Variants in EPHA7 observed in about 807,000 individuals in gnomAD.
EPHA7 encodes the protein ephrin type-A receptor 7.
EPHA7 carries 25 observed loss-of-function variants against 112.6 expected under a neutral mutation model. The ratio of observed to expected loss-of-function variants is 0.22; its 90% confidence interval spans 0.16 to 0.31. EPHA7 has a LOEUF of 0.31. Ranked by LOEUF, EPHA7 falls within the 10% of genes least tolerant of loss-of-function variation. The probability of loss-of-function intolerance (pLI) is 1.00; values close to 1 mark genes in which losing one functional copy is unlikely to be tolerated. For synonymous variants in EPHA7, 437 were observed against 406.5 expected (o/e 1.07, Z -0.90); for missense variants, 962 against 1,212.6 (o/e 0.79, Z 3.07).
intron 1 of EPHA7, among the ~76,000 whole-genome samples, chr6:93,418,746 C>G (rs968184959): frequency 1.3e-5 from 2 of 152,188 alleles, no homozygotes; most frequent in Non-Finnish European, 2.9e-5. Flanking sequence ...CCGAGCTCAT[C>G]GAAGTCTCGG....
At chr6:93,243,879 C>T (rs919874987) in intron 16 of EPHA7, among the ~76,000 whole-genome samples, 6 of 151,634 alleles carry the variant, frequency 4.0e-5, no homozygotes, top group African/African-American at 1.5e-4. Context: ...ATTCTTGAAC[C>T]TAATAGGGAT....
At chr6:93,257,423 A>G (rs1306346480) in intron 12 of EPHA7, 39 bp downstream of exon 12, 1 of 1,467,632 alleles carries the variant, frequency 6.8e-7, no homozygotes, top group Non-Finnish European at 9.4e-7. Context: ...GGTAGCAAGC[A>G]TAGTATATTT....
chr6:93,304,772 C>A (rs1439355734), intron 5 of EPHA7, among the ~76,000 whole-genome samples: 2 of 152,024 alleles, frequency 1.3e-5, no homozygotes, highest in Non-Finnish European at 2.9e-5. Flanking sequence ...TACTCTCTTT[C>A]TCTTGCTTTT....
At chr6:93,359,667 C>A (rs1776143084) in intron 3 of EPHA7, among the ~76,000 whole-genome samples, 1 of 152,030 alleles carries the variant, frequency 6.6e-6, no homozygotes, top group East Asian at 1.9e-4. Flanking sequence ...ACAGTTGAGT[C>A]ATCCCTTAAC....
chr6:93,343,737 T>G (rs963438197), intron 5 of EPHA7, among the ~76,000 whole-genome samples: 1 of 151,660 alleles, frequency 6.6e-6, no homozygotes, highest in Admixed American at 6.6e-5. Context: ...GATCCATTCA[T>G]CCATTTCATC....
chr6:93,268,886 C>T (rs1771075679), intron 7 of EPHA7, among the ~76,000 whole-genome samples: 1 of 151,590 alleles, frequency 6.6e-6, no homozygotes, highest in East Asian at 1.9e-4. Flanking sequence ...TAATTATCTC[C>T]CTTATATTTC....
chr6:93,272,384 G>A lies in EPHA7; in HGVS notation c.1363C>T (p.Leu455=), dbSNP rs754191176. The part of the protein sequence containing the change: ...QVSGVMKERV[L]QRSVELSWQE... ...CAGGAAAGCTCGACACTCCGCTGCA[G>A]TACTCTCTCCTTCATTACTCCACTC... The change falls in exon 6 of 17, where the codon CTG becomes TTG. Residue 455 remains leucine, a synonymous_variant. Coordinates refer to ENST00000369303, the MANE Select transcript of EPHA7 (RefSeq NM_004440.4). The A allele has an allele frequency of 1.2e-6, 2 of 1,611,982 alleles. No individual in the cohort carries two copies. Among genetic ancestry groups the A allele is most frequent in the Non-Finnish European group, 1.7e-6 (2 of 1,178,632 alleles).
intron 9 of EPHA7, among the ~76,000 whole-genome samples, chr6:93,262,261 T>G (rs1161089466): frequency 6.6e-6 from 1 of 151,496 alleles, no homozygotes; most frequent in Non-Finnish European, 1.5e-5. Context: ...CTTTTTTCTC[T>G]ATTTCCTCTA....
intron 5 of EPHA7, among the ~76,000 whole-genome samples, chr6:93,347,308 T>C (rs769859827): frequency 1.2e-4 from 18 of 152,012 alleles, no homozygotes; most frequent in Admixed American, 3.9e-4. Context: ...TTCTAAAATT[T>C]ATTAGATGAT....
chr6:93,357,111 C>G (rs1775987398), intron 4 of EPHA7, 59 bp from the exon 5 acceptor site: 1 of 1,332,304 alleles, frequency 7.5e-7, no homozygotes, highest in African/African-American at 1.5e-5. Context: ...AACATACAAA[C>G]AAAAAGAACA....
chr6:93,419,407 G>T lies in EPHA7; in HGVS notation c.-66C>A, dbSNP rs1466810163. On this transcript the variant is annotated 5_prime_UTR_variant, in exon 1 of 17. Transcript: ENST00000369303. The stretch of plus-strand genomic sequence containing the variant: ...AGTCGTGGATTTTTAAATGCTGTTT[G>T]TTCCGAAGTAGCTTTTGTTTTATTG... The T allele has an allele frequency of 9.8e-6, 13 of 1,333,074 alleles. No homozygotes were observed. The highest frequency in any genetic ancestry group is 1.4e-5 in the Non-Finnish European group (13 of 934,324). The allele number at this position is 1,333,074 out of a possible 1,614,324, so 82.6% of individuals were successfully genotyped here.
chr6:93,306,487 G>C (rs1321613068), intron 5 of EPHA7, among the ~76,000 whole-genome samples: 1 of 151,848 alleles, frequency 6.6e-6, no homozygotes, highest in Non-Finnish European at 1.5e-5. Flanking sequence ...ACAGTATGAT[G>C]GACTTAAAAA....
chr6:93,405,803 GTGTGTGTGTGTATA>G (rs1463534169), intron 3 of EPHA7, among the ~76,000 whole-genome samples: 35 of 62,440 alleles, frequency 5.6e-4, no homozygotes, highest in African/African-American at 2.4e-3. Flanking sequence ...GTGTGTGTGT[GTGTGTGTGTGTATA>G]TATATATATA....
Position 93,264,007 on chromosome 6 carries a change from T to C in EPHA7, c.1743-92A>G, listed in dbSNP as rs540096667. 1.8e-5 allele frequency: 15 copies of C among 849,696 alleles called. No individual in the cohort carries two copies. In the African/African-American group the frequency reaches 2.6e-4, roughly 15 times the overall value. 52.6% of individuals were successfully genotyped at this position (849,696 alleles called of 1,614,324 possible). On this transcript the variant is annotated intron_variant, in intron 8 of 16. Coordinates refer to ENST00000369303, the MANE Select transcript of EPHA7 (RefSeq NM_004440.4). ...GTACCTTAGTTACTCAACAACTTAC[T>C]AGAGTTAAATTTACTGTTCATAGTT...
At chr6:93,336,634 C>T (rs1274984549) in intron 5 of EPHA7, among the ~76,000 whole-genome samples, 1 of 151,992 alleles carries the variant, frequency 6.6e-6, no homozygotes, top group Non-Finnish European at 1.5e-5. Flanking sequence ...ATCTCCTGAC[C>T]TTGTGATCTG....
chr6:93,253,381 CTG>C, intron 14 of EPHA7, among the ~76,000 whole-genome samples: 1 of 152,156 alleles, frequency 6.6e-6, no homozygotes, highest in East Asian at 1.9e-4. Context: ...TCTTTTCAGA[CTG>C]TGGACTTCTC....
In EPHA7 at chr6:93,419,328, G is replaced by C; in HGVS notation, c.14C>G (p.Thr5Ser). The part of the protein sequence containing the change: MVFQ[T>S]RYPSWIILCY... Reference sequence around the variant, plus strand: ...TAAAATAATCCATGAAGGGTACCGAGTTTGAAAAACCATGGTGCATGAGCA... The same window carrying C: ...TAAAATAATCCATGAAGGGTACCGACTTTGAAAAACCATGGTGCATGAGCA... Residue 5 changes from threonine to serine, a missense_variant, in exon 1 of 17, where the codon ACT (threonine) becomes AGT (serine). Thr to Ser is a moderately conservative substitution (Grantham distance 58). Transcript: ENST00000369303. 6.2e-7 allele frequency: 1 copy of C among 1,613,942 alleles called. No homozygotes were observed. Among genetic ancestry groups the C allele is most frequent in the South Asian group, 1.1e-5 (1 of 91,058 alleles).
At chr6:93,286,054 G>GA (rs1772045765) in intron 5 of EPHA7, among the ~76,000 whole-genome samples, 2 of 152,024 alleles carry the variant, frequency 1.3e-5, no homozygotes, top group Admixed American at 6.6e-5. Context: ...GCCCTTTTCA[G>GA]AAAAAGTTTG....
At chr6:93,376,194 G>A (rs1180103735) in intron 3 of EPHA7, among the ~76,000 whole-genome samples, 1 of 152,064 alleles carries the variant, frequency 6.6e-6, no homozygotes, top group African/African-American at 2.4e-5. Flanking sequence ...CCCAGGAGAA[G>A]TGCAGTGGTA....
Sources: gnomAD v4.1 joint callset for allele counts (sites outside exome capture counted in the v4.1 genomes callset) on GRCh38, gnomAD v4.1.1 for gene constraint, MANE v1.5 for transcripts, NCBI Gene and HGNC (gene_info 2026-07-23, HGNC 2026-07-21) for gene names.